SNCAIP: variants seen among roughly 807,000 people sequenced by gnomAD.
SNCAIP encodes synphilin-1.
SNCAIP carries 43 observed loss-of-function variants against 86.7 expected under a neutral mutation model. The observed-to-expected ratio is 0.50, with a 90% CI of 0.39 to 0.64. The LOEUF is 0.64. SNCAIP is among the 30% of genes least tolerant of loss of function. The pLI, the probability that SNCAIP is intolerant of heterozygous loss-of-function variation, is 0.00. For synonymous variants in SNCAIP, 417 were observed against 427.2 expected (o/e 0.98, Z 0.29); for missense variants, 981 against 1,103.1 (o/e 0.89, Z 1.57).
At chr5:122,446,307 A>T (rs1042351827) in intron 8 of SNCAIP, among the ~76,000 whole-genome samples, 1 of 152,244 alleles carries the variant, frequency 6.6e-6, no homozygotes. Context: ...TCCCTCAAGT[A>T]ATGTATGGAC....
chr5:122,401,533 C>A (rs1771813334), intron 2 of SNCAIP, among the ~76,000 whole-genome samples: 2 of 152,130 alleles, frequency 1.3e-5, no homozygotes, highest in Non-Finnish European at 2.9e-5. Context: ...TTAAAATTTT[C>A]CAAAACTTTA....
intron 8 of SNCAIP, among the ~76,000 whole-genome samples, chr5:122,445,740 A>T (rs1021971368): frequency 7.3e-5 from 11 of 150,054 alleles, no homozygotes; most frequent in African/African-American, 9.8e-5. Flanking sequence ...AAAGAAAAAA[A>T]CCTTGGTTTT....
chr5:122,347,789 A>G (rs558747368), intron 1 of SNCAIP, among the ~76,000 whole-genome samples: 2 of 152,204 alleles, frequency 1.3e-5, no homozygotes, highest in South Asian at 4.1e-4. Context: ...AAAGAAGTAT[A>G]TTGTTTTTTC....
Position 122,315,467 on chromosome 5 carries a change from G to T in SNCAIP, c.-47+3183G>T, listed in dbSNP as rs545386741. On this transcript the variant is annotated intron_variant, in intron 1 of 10. Transcript: ENST00000261368. ...CCCATTAGCCATGTCAAGTCAGAAG[G>T]TTACCCCAGATTCAAGGGGTATAGA... Among the ~76,000 whole-genome samples, 6 of 152,268 alleles carry T rather than the reference G, an allele frequency of 3.9e-5. No individual in the cohort carries two copies. The South Asian group carries it at 8.3e-4, about 21-fold the overall frequency.
intron 2 of SNCAIP, among the ~76,000 whole-genome samples, chr5:122,401,511 G>A (rs142310732): frequency 6.6e-6 from 1 of 152,260 alleles, no homozygotes; most frequent in Non-Finnish European, 1.5e-5. Flanking sequence ...TGAATTTGAT[G>A]TTCATATACC....
chr5:122,427,534 ATATTT>A (rs903306342), intron 5 of SNCAIP, among the ~76,000 whole-genome samples: 1 of 152,160 alleles, frequency 6.6e-6, no homozygotes, highest in Admixed American at 6.6e-5. Flanking sequence ...GTAAATACAA[ATATTT>A]TATAACAAGT....
intron 1 of SNCAIP, among the ~76,000 whole-genome samples, chr5:122,345,274 A>G (rs557035169): frequency 6.6e-6 from 1 of 152,312 alleles, no homozygotes; most frequent in African/African-American, 2.4e-5. Flanking sequence ...TATAATGCCT[A>G]TTTAGCTCTT....
At chr5:122,436,070 G>A (rs553239141) in intron 6 of SNCAIP, among the ~76,000 whole-genome samples, 19 of 152,196 alleles carry the variant, frequency 1.2e-4, no homozygotes, top group Admixed American at 1.1e-3. Context: ...GAGGGGATGC[G>A]CAATTGTGGA....
chr5:122,438,978 C>A (rs1003923768), intron 6 of SNCAIP, among the ~76,000 whole-genome samples: 4 of 152,158 alleles, frequency 2.6e-5, no homozygotes, highest in African/African-American at 9.7e-5. Flanking sequence ...TAACCTCAAC[C>A]AGTTGGTTAT....
chr5:122,362,257 C>T (rs752602969), intron 1 of SNCAIP, among the ~76,000 whole-genome samples: 1 of 152,086 alleles, frequency 6.6e-6, no homozygotes, highest in Admixed American at 6.6e-5. Flanking sequence ...GACAGTGAGT[C>T]CCCACCTCTT....
intron 1 of SNCAIP, among the ~76,000 whole-genome samples, chr5:122,380,859 G>A (rs1766591380): frequency 6.6e-6 from 1 of 152,142 alleles, no homozygotes. Flanking sequence ...TTTTAAGTGA[G>A]ATTCTTAATC....
At chr5:122,445,956 T>C (rs1192695990) in intron 8 of SNCAIP, among the ~76,000 whole-genome samples, 3 of 151,992 alleles carry the variant, frequency 2.0e-5, no homozygotes, top group African/African-American at 7.2e-5. Context: ...ATTTCTTTAA[T>C]GAGTTTAGAC....
chr5:122,415,627 CT>C (rs1372056681), intron 3 of SNCAIP, among the ~76,000 whole-genome samples: 15 of 152,208 alleles, frequency 9.9e-5, no homozygotes, highest in Non-Finnish European at 2.2e-4. Flanking sequence ...GCCTCCTGTT[CT>C]CTCTTACCAA....
intron 1 of SNCAIP, among the ~76,000 whole-genome samples, chr5:122,380,132 T>C (rs1766367076): frequency 6.6e-6 from 1 of 152,186 alleles, no homozygotes; most frequent in Admixed American, 6.5e-5. Context: ...CGCCTCCTTG[T>C]ACCTCTGGTA....
At chr5:122,403,447 A>T (rs1193798224) in intron 2 of SNCAIP, among the ~76,000 whole-genome samples, 1 of 152,136 alleles carries the variant, frequency 6.6e-6, no homozygotes, top group Non-Finnish European at 1.5e-5. Context: ...TGCAATTATT[A>T]AGGCCATCTT....
At chr5:122,436,131 A>G (rs1779411962) in intron 6 of SNCAIP, among the ~76,000 whole-genome samples, 1 of 152,198 alleles carries the variant, frequency 6.6e-6, no homozygotes, top group Admixed American at 6.5e-5. Flanking sequence ...ATTGGTTCAT[A>G]CAGCAAACTG....
intron 10 of SNCAIP, among the ~76,000 whole-genome samples, chr5:122,458,720 T>C (rs1310682058): frequency 6.6e-6 from 1 of 152,196 alleles, no homozygotes; most frequent in Non-Finnish European, 1.5e-5. Flanking sequence ...TTTTCAGCTC[T>C]AAGCCACACA....
At chr5:122,358,662 C>G (rs934764554) in intron 1 of SNCAIP, among the ~76,000 whole-genome samples, 1 of 152,014 alleles carries the variant, frequency 6.6e-6, no homozygotes, top group African/African-American at 2.4e-5. Context: ...ATGCTTATGA[C>G]TGTGGGTTGT....
chr5:122,377,875 T>G (rs1457092362), intron 1 of SNCAIP, among the ~76,000 whole-genome samples: 1 of 152,020 alleles, frequency 6.6e-6, no homozygotes, highest in East Asian at 1.9e-4. Flanking sequence ...GAACTCATCA[T>G]TTTTTATGGC....
Sources: gnomAD v4.1 joint callset for allele counts (sites outside exome capture counted in the v4.1 genomes callset) on GRCh38, gnomAD v4.1.1 for gene constraint, MANE v1.5 for transcripts, NCBI Gene and HGNC (gene_info 2026-07-23, HGNC 2026-07-21) for gene names.